CACNA1C: variants seen among roughly 807,000 people sequenced by gnomAD.
CACNA1C encodes voltage-dependent L-type calcium channel subunit alpha-1C.
Under a neutral mutation model 229.0 loss-of-function variants are expected in CACNA1C, and 30 were observed. The ratio of observed to expected loss-of-function variants is 0.13; its 90% CI spans 0.10 to 0.18. The LOEUF is 0.18. CACNA1C is among the 10% of genes least tolerant of loss of function. The probability of loss-of-function intolerance (pLI) is 1.00; values close to 1 mark genes in which losing one functional copy is unlikely to be tolerated. For missense variants in CACNA1C, 1,658 were observed against 2,845.0 expected, an observed-to-expected ratio of 0.58 and a Z score of 9.49; for synonymous variants, 1,114 against 1,132.5, an observed-to-expected ratio of 0.98 and a Z score of 0.33.
At chr12:2,081,490 G>A (rs2065600029) in intron 1 of CACNA1C, among the ~76,000 whole-genome samples, 1 of 151,914 alleles carries the variant, frequency 6.6e-6, no homozygotes. Context: ...AGAATGGCGT[G>A]AACCCGGGAG....
chr12:2,353,452 G>A lies in CACNA1C; in HGVS notation c.478-95524G>A, dbSNP rs74393498. Among the ~76,000 whole-genome samples, 1,320 of 152,344 alleles carry A rather than the reference G, an allele frequency of 8.7e-3. 13 individuals carry two copies. Among genetic ancestry groups the A allele is most frequent in the East Asian group, 0.035 (179 of 5,170 alleles). The stretch of plus-strand genomic sequence containing the variant: ...GACTGTCCTAACAGGCGGCGCTGCC[G>A]CGCTCAGCACCTGGGCTGGGAAGAA... On this transcript the variant is annotated intron_variant, in intron 3 of 46. Coordinates refer to ENST00000399655, the MANE Select transcript of CACNA1C (RefSeq NM_000719.7).
At chr12:2,457,469 C>T (rs972686801) in intron 4 of CACNA1C, 98 bp from the exon 5 acceptor site, 18 of 1,342,192 alleles carry the variant, frequency 1.3e-5, no homozygotes, top group Admixed American at 9.0e-5. Context: ...GAGACGCCTG[C>T]GCAATCTGCT....
upstream of CACNA1C, among the ~76,000 whole-genome samples, chr12:2,052,673 G>C (rs1186052602): frequency 2.8e-5 from 4 of 144,388 alleles, no homozygotes; most frequent in Admixed American, 2.1e-4. Context: ...GGCCTCCCCG[G>C]GGGCTCCTCA....
At chr12:2,219,445 G>A (rs2060857674) in intron 3 of CACNA1C, among the ~76,000 whole-genome samples, 2 of 152,128 alleles carry the variant, frequency 1.3e-5, no homozygotes, top group African/African-American at 2.4e-5. Flanking sequence ...CCCTGGAAAT[G>A]CTCTTTTCTT....
At chr12:2,270,987 G>A (rs1412702441) in intron 3 of CACNA1C, among the ~76,000 whole-genome samples, 1 of 152,180 alleles carries the variant, frequency 6.6e-6, no homozygotes, top group Non-Finnish European at 1.5e-5. Context: ...GTGGCCTGTT[G>A]CTTGCTCTCT....
At chr12:2,510,354 G>T (rs2099780965) in intron 8 of CACNA1C, among the ~76,000 whole-genome samples, 1 of 152,212 alleles carries the variant, frequency 6.6e-6, no homozygotes. Flanking sequence ...AAGCCTGTCT[G>T]TGCCTCATAC....
chr12:2,150,013 T>C (rs2154211540), intron 3 of CACNA1C, among the ~76,000 whole-genome samples: 1 of 152,254 alleles, frequency 6.6e-6, no homozygotes, highest in South Asian at 2.1e-4. Context: ...CCAGAGGCAC[T>C]AAAAGGGGGT....
At chr12:2,163,203 CAAAAA>C (rs35977267) in intron 3 of CACNA1C, among the ~76,000 whole-genome samples, 1 of 109,568 alleles carries the variant, frequency 9.1e-6, no homozygotes, top group African/African-American at 3.6e-5. Flanking sequence ...AATTCCATCT[CAAAAA>C]AAAAAAAAAA....
At chr12:2,561,812 A>G (rs2047634126) in intron 11 of CACNA1C, among the ~76,000 whole-genome samples, 1 of 152,202 alleles carries the variant, frequency 6.6e-6, no homozygotes, top group East Asian at 1.9e-4. Flanking sequence ...GGAAGGTTCT[A>G]TTTCTAGAGA....
chr12:2,487,308 C>T (rs1039441339), intron 6 of CACNA1C, among the ~76,000 whole-genome samples: 3 of 151,528 alleles, frequency 2.0e-5, no homozygotes, highest in Admixed American at 2.0e-4. Context: ...CGACACTGCA[C>T]CTCATTCCCA....
chr12:2,412,731 G>C (rs1194093940), intron 3 of CACNA1C, among the ~76,000 whole-genome samples: 1 of 152,152 alleles, frequency 6.6e-6, no homozygotes, highest in Non-Finnish European at 1.5e-5. Flanking sequence ...CTATACAATG[G>C]ATTTGCTGAG....
intron 3 of CACNA1C, among the ~76,000 whole-genome samples, chr12:2,176,566 G>A (rs965549480): frequency 6.7e-6 from 1 of 149,184 alleles, no homozygotes; most frequent in Admixed American, 6.7e-5. Context: ...GGCCTATTGG[G>A]GGGGTTGGAG....
chr12:2,486,082 G>A lies in CACNA1C; in HGVS notation c.758-22G>A, dbSNP rs1597758528. 1 of 1,576,462 alleles carries A rather than the reference G, an allele frequency of 6.3e-7. No individual in the cohort carries two copies. Among genetic ancestry groups the A allele is most frequent in the Non-Finnish European group, 8.6e-7 (1 of 1,159,058 alleles). ...CGGTACCGCGGTGATGCTTGGTTCA[G>A]TGAGTGGCTCTGTCCCCGCAGGTCT... On this transcript the variant is annotated intron_variant, in intron 5 of 46. Coordinates refer to ENST00000399655, the MANE Select transcript of CACNA1C (RefSeq NM_000719.7). This position sits in a 1 kb window ranked among gnomAD's most constrained non-coding sequence, Gnocchi z 4.9.
chr12:2,325,078 C>T (rs574553721), intron 3 of CACNA1C, among the ~76,000 whole-genome samples: 1 of 152,320 alleles, frequency 6.6e-6, no homozygotes, highest in African/African-American at 2.4e-5. Flanking sequence ...GGCTCTCTTT[C>T]CCAAGGTCTG....
chr12:2,547,453 G>A, intron 9 of CACNA1C: 3 of 779,688 alleles, frequency 3.8e-6, no homozygotes, highest in Non-Finnish European at 7.2e-6. Flanking sequence ...GTGAAAGGAG[G>A]CACTCCGGCG....
intron 3 of CACNA1C, among the ~76,000 whole-genome samples, chr12:2,234,292 A>G (rs1175779340): frequency 1.3e-5 from 2 of 152,102 alleles, no homozygotes; most frequent in African/African-American, 4.8e-5. Flanking sequence ...TTGTGTTCTG[A>G]ACAAATATGT....
rs574624006 is a variant in CACNA1C, at chr12:2,465,069, G to A, written c.757+7363G>A. 4.6e-5 allele frequency among the ~76,000 whole-genome samples: 7 copies of A among 152,270 alleles called. No individual in the cohort carries two copies. The South Asian group carries it at 1.5e-3, about 32-fold the overall frequency. ...TGTAAAATGGGAATTGTAATCGAACGTATTACATATGCTGTTGGAAAGACT... is the reference window on the plus strand; with the variant it reads ...TGTAAAATGGGAATTGTAATCGAACATATTACATATGCTGTTGGAAAGACT... On this transcript the variant is annotated intron_variant, in intron 5 of 46. Transcript: ENST00000399655.
At chr12:2,121,642 C>T (rs1270244653) in intron 3 of CACNA1C, among the ~76,000 whole-genome samples, 2 of 152,212 alleles carry the variant, frequency 1.3e-5, no homozygotes, top group African/African-American at 4.8e-5. Context: ...GGCAGAGCAT[C>T]GGCCGCCGTC....
At chr12:2,266,887 C>T (rs568601972) in intron 3 of CACNA1C, among the ~76,000 whole-genome samples, 40 of 152,302 alleles carry the variant, frequency 2.6e-4, no homozygotes, top group African/African-American at 9.4e-4. Flanking sequence ...CTCTTCTGAG[C>T]TTTTCTTTGC....
Sources: gnomAD v4.1 joint callset for allele counts (sites outside exome capture counted in the v4.1 genomes callset) on GRCh38, gnomAD v4.1.1 for gene constraint, Gnocchi (gnomAD v3.1) non-coding constraint, MANE v1.5 for transcripts, NCBI Gene and HGNC (gene_info 2026-07-23, HGNC 2026-07-21) for gene names.